COL25A1: variants seen among roughly 807,000 people sequenced by gnomAD.
The protein encoded by COL25A1 is collagen type XXV alpha 1 chain, also known as collagen alpha-1(XXV) chain.
In COL25A1, 103 loss-of-function variants were observed where a neutral mutation model predicts 128.4. The observed-to-expected ratio is 0.80, with a 90% CI of 0.68 to 0.94. COL25A1 has a LOEUF of 0.94. Ranked by LOEUF, COL25A1 falls within the 40% of genes least tolerant of loss-of-function variation. The pLI, the probability that COL25A1 is intolerant of heterozygous loss-of-function variation, is 0.00. For synonymous variants in COL25A1, 279 were observed against 277.2 expected, an observed-to-expected ratio of 1.01 and a Z score of -0.06; for missense variants, 745 against 840.0, an observed-to-expected ratio of 0.89 and a Z score of 1.40.
At chr4:109,259,261 G>C (rs1260137548) in intron 3 of COL25A1, among the ~76,000 whole-genome samples, 22 of 151,626 alleles carry the variant, frequency 1.5e-4, no homozygotes, top group Admixed American at 1.4e-3. Context: ...TTCACAATGA[G>C]AAAAAAAATC....
At chr4:109,088,027 T>C (rs1764564725) in intron 3 of COL25A1, among the ~76,000 whole-genome samples, 2 of 150,564 alleles carry the variant, frequency 1.3e-5, no homozygotes, top group Admixed American at 6.6e-5. Context: ...TCCTTTTTTA[T>C]TGAAAATAAA....
Position 108,841,683 on chromosome 4 carries a change from T to G in COL25A1, c.1656+12A>C. On this transcript the variant is annotated intron_variant, in intron 31 of 37. Coordinates refer to ENST00000399132, the MANE Select transcript of COL25A1 (RefSeq NM_198721.4). ...AGCAGAAATCAAATAATCAAGGGAT[T>G]TGTTGGATTACCTTTGGTCCAGGAA... is the stretch of plus-strand genomic sequence containing the variant. 1 of 1,608,262 alleles carries G rather than the reference T, an allele frequency of 6.2e-7. No homozygotes were observed. The highest frequency in any genetic ancestry group is 8.5e-7 in the Non-Finnish European group (1 of 1,174,914).
At chr4:109,094,414 T>C (rs913414646) in intron 3 of COL25A1, among the ~76,000 whole-genome samples, 2 of 152,218 alleles carry the variant, frequency 1.3e-5, no homozygotes, top group African/African-American at 4.8e-5. Context: ...AATATATCAC[T>C]GTAATCTTCT....
intron 4 of COL25A1, among the ~76,000 whole-genome samples, chr4:109,049,656 C>T (rs1389158960): frequency 2.0e-5 from 3 of 152,084 alleles, no homozygotes; most frequent in African/African-American, 4.8e-5. Context: ...ATTTTGAAAA[C>T]GGTAAGAGTA....
At chr4:109,244,572 A>G (rs1371185790) in intron 3 of COL25A1, among the ~76,000 whole-genome samples, 1 of 152,110 alleles carries the variant, frequency 6.6e-6, no homozygotes, top group Admixed American at 6.6e-5. Context: ...GGGCCTAGTT[A>G]TTTTCTGCTA....
intron 3 of COL25A1, among the ~76,000 whole-genome samples, chr4:109,206,540 A>G (rs1333788441): frequency 6.6e-6 from 1 of 152,194 alleles, no homozygotes; most frequent in East Asian, 1.9e-4. Flanking sequence ...AACTTTTGGT[A>G]CTGAAGGACC....
intron 5 of COL25A1, among the ~76,000 whole-genome samples, chr4:109,025,949 C>T (rs1172235924): frequency 1.3e-5 from 2 of 151,980 alleles, no homozygotes; most frequent in Non-Finnish European, 1.5e-5. Context: ...GACTTGGACC[C>T]TTTTGAGCTC....
intron 36 of COL25A1, among the ~76,000 whole-genome samples, chr4:108,818,836 T>A (rs1041825928): frequency 6.7e-6 from 1 of 148,522 alleles, no homozygotes; most frequent in African/African-American, 2.5e-5. Context: ...CTGATTGAAA[T>A]ATAGCGAAAA....
At chr4:108,886,699 T>C (rs952827659) in intron 18 of COL25A1, among the ~76,000 whole-genome samples, 2 of 152,134 alleles carry the variant, frequency 1.3e-5, no homozygotes, top group Non-Finnish European at 2.9e-5. Flanking sequence ...ATCTTGGTCA[T>C]AATTAGGATT....
intron 3 of COL25A1, among the ~76,000 whole-genome samples, chr4:109,224,590 C>A (rs1045790354): frequency 6.6e-6 from 1 of 152,068 alleles, no homozygotes. Context: ...GATAGAAATT[C>A]TTGTTTCTAC....
chr4:108,946,565 A>G (rs1402002678), intron 8 of COL25A1, among the ~76,000 whole-genome samples: 1 of 152,258 alleles, frequency 6.6e-6, no homozygotes, highest in Non-Finnish European at 1.5e-5. Flanking sequence ...CCTTCTGTGC[A>G]ACATTTACTA....
rs1354157350 is a variant in COL25A1, at chr4:109,093,466, A to ACAAAACAAAAC, written c.368-43288_368-43287insGTTTTGTTTTG. On this transcript the variant is annotated intron_variant, in intron 3 of 37. Coordinates refer to ENST00000399132, the MANE Select transcript of COL25A1 (RefSeq NM_198721.4). ...AAGACTCCATCTCTATGAAAAAAAA[A>ACAAAACAAAAC]AAAAAAAAAACCTTTTTTAAATTAG... is the stretch of plus-strand genomic sequence containing the variant. 5.1e-4 allele frequency among the ~76,000 whole-genome samples: 77 copies of ACAAAACAAAAC among 151,074 alleles called. 1 individual carries two copies. Among genetic ancestry groups the ACAAAACAAAAC allele is most frequent in the African/African-American group, 1.8e-3 (74 of 40,752 alleles).
chr4:109,184,647 C>T (rs1214834495), intron 3 of COL25A1, among the ~76,000 whole-genome samples: 1 of 152,150 alleles, frequency 6.6e-6, no homozygotes, highest in Non-Finnish European at 1.5e-5. Flanking sequence ...AGGTCCTAAG[C>T]CAGACACTGA....
At chr4:109,074,439 A>G (rs1260213201) in intron 3 of COL25A1, among the ~76,000 whole-genome samples, 1 of 152,236 alleles carries the variant, frequency 6.6e-6, no homozygotes, top group African/African-American at 2.4e-5. Flanking sequence ...TTGAAGAAAG[A>G]ATAAGCAACT....
chr4:109,060,393 A>AC (rs1435722546), intron 3 of COL25A1, among the ~76,000 whole-genome samples: 1 of 152,000 alleles, frequency 6.6e-6, no homozygotes, highest in Non-Finnish European at 1.5e-5. Flanking sequence ...GGCCCCCTTG[A>AC]CCCCCACCTC....
At chr4:108,881,564 TC>T (rs1740125681) in intron 19 of COL25A1, among the ~76,000 whole-genome samples, 2 of 152,350 alleles carry the variant, frequency 1.3e-5, no homozygotes, top group Non-Finnish European at 2.9e-5. Flanking sequence ...GGTGGTTTCA[TC>T]TTTTAAATAC....
Position 109,173,829 on chromosome 4 carries a change from A to AT in COL25A1, c.368-123651dup, listed in dbSNP as rs1025618817. The stretch of plus-strand genomic sequence containing the variant: ...CTTGAGACCATCAGTGAGGATTTGT[A>AT]TTTTTTTTTCTTTTGGATTTGAGAA... On this transcript the variant is annotated intron_variant, in intron 3 of 37. Coordinates refer to ENST00000399132, the MANE Select transcript of COL25A1 (RefSeq NM_198721.4). Among the ~76,000 whole-genome samples, 87 of 151,302 alleles carry AT rather than the reference A, an allele frequency of 5.8e-4. 1 individual carries two copies. The highest frequency in any genetic ancestry group is 3.9e-3 in the Admixed American group (59 of 15,166).
intron 3 of COL25A1, among the ~76,000 whole-genome samples, chr4:109,266,044 T>A (rs1165141469): frequency 1.3e-5 from 2 of 152,108 alleles, no homozygotes; most frequent in South Asian, 4.1e-4. Context: ...ACAGGTCGAC[T>A]CTTGAGGACT....
chr4:108,827,871 T>G (rs1732572974), intron 32 of COL25A1, among the ~76,000 whole-genome samples: 1 of 152,140 alleles, frequency 6.6e-6, no homozygotes, highest in Non-Finnish European at 1.5e-5. Context: ...AAACCCTTTC[T>G]CGATTGCCCA....
Sources: gnomAD v4.1 joint callset for allele counts (sites outside exome capture counted in the v4.1 genomes callset) on GRCh38, gnomAD v4.1.1 for gene constraint, MANE v1.5 for transcripts, NCBI Gene and HGNC (gene_info 2026-07-23, HGNC 2026-07-21) for gene names.